SUMF1: variants seen among roughly 807,000 people sequenced by gnomAD.
The protein encoded by SUMF1 is formylglycine-generating enzyme.
Under a neutral mutation model 47.6 loss-of-function variants are expected in SUMF1, and 48 were observed. The ratio of observed to expected loss-of-function variants is 1.01; its 90% confidence interval spans 0.80 to 1.28. The LOEUF is 1.28. Among genes scored for constraint, SUMF1 ranks in the 50% most tolerant of loss-of-function variants. The probability of loss-of-function intolerance (pLI) is 0.00; values close to 1 mark genes in which losing one functional copy is unlikely to be tolerated. For synonymous variants in SUMF1, 230 were observed against 192.1 expected, an observed-to-expected ratio of 1.20 and a Z score of -1.63; for missense variants, 571 against 485.4, an observed-to-expected ratio of 1.18 and a Z score of -1.66.
intron 8 of SUMF1, among the ~76,000 whole-genome samples, chr3:4,180,332 G>C (rs1158476511): frequency 6.6e-6 from 1 of 152,068 alleles, no homozygotes; most frequent in Non-Finnish European, 1.5e-5. Flanking sequence ...AAGAAAATGT[G>C]GCACATATAC....
chr3:4,101,240 C>T (rs1374829215), intron 8 of SUMF1, among the ~76,000 whole-genome samples: 4 of 152,062 alleles, frequency 2.6e-5, no homozygotes, highest in Non-Finnish European at 4.4e-5. Context: ...TGAAAACAAC[C>T]TGTGTCCATC....
At chr3:4,440,353 T>C (rs905358156) in intron 3 of SUMF1, among the ~76,000 whole-genome samples, 3 of 152,200 alleles carry the variant, frequency 2.0e-5, no homozygotes, top group Non-Finnish European at 4.4e-5. Flanking sequence ...TCTGAATACT[T>C]TCTGGCTTAG....
intron 8 of SUMF1, among the ~76,000 whole-genome samples, chr3:4,072,623 G>A (rs561814481): frequency 3.7e-4 from 56 of 152,246 alleles, no homozygotes; most frequent in African/African-American, 9.9e-4. Context: ...AATAACCAGC[G>A]TAGAGTAGAA....
At chr3:4,108,553 A>G (rs529482172) in intron 8 of SUMF1, among the ~76,000 whole-genome samples, 6 of 152,120 alleles carry the variant, frequency 3.9e-5, no homozygotes, top group African/African-American at 1.4e-4. Context: ...ATGGTGTGGG[A>G]GTCTAAGTCT....
intron 9 of SUMF1, among the ~76,000 whole-genome samples, chr3:4,056,898 C>A (rs1410690241): frequency 6.6e-6 from 1 of 151,898 alleles, no homozygotes; most frequent in East Asian, 1.9e-4. Context: ...CCTGCCACCA[C>A]GCCCGGCTAA....
rs142080762 is a variant in SUMF1, at chr3:4,045,248, G to A, written c.1191+23321C>T. ...GAGGCTTCCCTGAGGAAGAAGTTCT[G>A]CCTGTGTCTTCAGATCATGCCAAGG... On this transcript the variant is annotated intron_variant and NMD_transcript_variant, in intron 9 of 12. Coordinates refer to the SUMF1 transcript ENST00000448413. 3.3e-4 allele frequency among the ~76,000 whole-genome samples: 50 copies of A among 152,152 alleles called. No individual in the cohort carries two copies. The Middle Eastern group carries it at 0.031, about 93-fold the overall frequency.
chr3:4,453,116 G>C, intron 1 of SUMF1, 67 bp from the exon 2 acceptor site: 1 of 1,519,564 alleles, frequency 6.6e-7, no homozygotes, highest in Non-Finnish European at 8.9e-7. Context: ...TAGGGGTAAA[G>C]TTCCTAGCAC....
At chr3:4,401,010 G>A (rs957000320) in intron 7 of SUMF1, among the ~76,000 whole-genome samples, 7 of 124,594 alleles carry the variant, frequency 5.6e-5, no homozygotes, top group South Asian at 5.0e-4. Context: ...TTCCTCACCC[G>A]GTGTCCAAGT....
At chr3:4,213,351 C>G (rs1199768951) in intron 8 of SUMF1, among the ~76,000 whole-genome samples, 3 of 152,092 alleles carry the variant, frequency 2.0e-5, no homozygotes, top group African/African-American at 7.2e-5. Flanking sequence ...CCTTTACAGA[C>G]AAGCAAATGC....
At chr3:4,460,698 C>G (rs1046426775) in intron 1 of SUMF1, among the ~76,000 whole-genome samples, 1 of 150,868 alleles carries the variant, frequency 6.6e-6, no homozygotes, top group Non-Finnish European at 1.5e-5. Flanking sequence ...ACTCTGTCAC[C>G]CCACGCTGGA....
chr3:4,073,532 C>T (rs908099954), intron 8 of SUMF1, among the ~76,000 whole-genome samples: 1 of 152,134 alleles, frequency 6.6e-6, no homozygotes, highest in Admixed American at 6.6e-5. Context: ...TTAAAAGACA[C>T]AGACTGGCAA....
At chr3:4,180,557 G>C (rs1695071855) in intron 8 of SUMF1, among the ~76,000 whole-genome samples, 2 of 151,962 alleles carry the variant, frequency 1.3e-5, no homozygotes, top group African/African-American at 4.8e-5. Flanking sequence ...GTGGGGGGCT[G>C]GGGGAGGGAT....
chr3:4,206,082 G>A (rs1695646954), intron 8 of SUMF1, among the ~76,000 whole-genome samples: 1 of 151,850 alleles, frequency 6.6e-6, no homozygotes, highest in African/African-American at 2.4e-5. Context: ...TGAAATGAGG[G>A]CTTCAGGACT....
intron 8 of SUMF1, among the ~76,000 whole-genome samples, chr3:4,204,253 T>C (rs936927214): frequency 6.6e-6 from 1 of 152,104 alleles, no homozygotes. Context: ...TTCAAATACA[T>C]ACAATGTTCT....
At chr3:4,208,628 T>G (rs1695708104) in intron 8 of SUMF1, among the ~76,000 whole-genome samples, 1 of 151,842 alleles carries the variant, frequency 6.6e-6, no homozygotes. Context: ...AGACGAAAAT[T>G]CTAAGAAAGA....
chr3:4,362,752 T>A (rs535066321), intron 8 of SUMF1, among the ~76,000 whole-genome samples: 1 of 152,106 alleles, frequency 6.6e-6, no homozygotes, highest in African/African-American at 2.4e-5. Flanking sequence ...CAAGATCCCA[T>A]CTCTACAAAA....
chr3:4,280,997 G>A (rs1234060351), intron 8 of SUMF1, among the ~76,000 whole-genome samples: 3 of 152,046 alleles, frequency 2.0e-5, no homozygotes, highest in Non-Finnish European at 1.5e-5. Context: ...ACATTCACAA[G>A]TACTAGGAGT....
Position 4,333,310 on chromosome 3 carries a change from C to T in SUMF1, c.1014+43020G>A, listed in dbSNP as rs114646299. Among the ~76,000 whole-genome samples the T allele has an allele frequency of 4.5e-3, 691 of 152,312 alleles. 7 individuals are homozygous for T. The highest frequency in any genetic ancestry group is 0.016 in the African/African-American group (665 of 41,570). On this transcript the variant is annotated intron_variant and NMD_transcript_variant, in intron 8 of 12. Transcript: ENST00000448413. ...TCCTGCACCTGTCTGTCTGCATGTT[C>T]CCCCTCCCATAAGGGGGCTTCGAGC...
intron 8 of SUMF1, among the ~76,000 whole-genome samples, chr3:4,264,691 A>G (rs552652067): frequency 1.2e-4 from 19 of 152,310 alleles, no homozygotes; most frequent in Admixed American, 5.2e-4. Flanking sequence ...CACATCAGAA[A>G]GTGGACTCAT....
Sources: allele counts gnomAD v4.1 joint callset (sites outside exome capture counted in the v4.1 genomes callset), GRCh38; gene constraint gnomAD v4.1.1; transcripts MANE v1.5; gene names NCBI Gene and HGNC (gene_info 2026-07-23, HGNC 2026-07-21).